Variants in AGAP1 observed in about 807,000 individuals in gnomAD.
The protein encoded by AGAP1 is ArfGAP with GTPase domain, ankyrin repeat and PH domain 1, also known as arf-GAP with GTPase, ANK repeat and PH domain-containing protein 1.
A neutral mutation model predicts 105.3 loss-of-function variants in AGAP1; 29 were observed. The ratio of observed to expected loss-of-function variants is 0.28; its 90% CI spans 0.21 to 0.38. The LOEUF is 0.38. Ranked by LOEUF, AGAP1 falls within the 10% of genes least tolerant of loss-of-function variation. The probability of loss-of-function intolerance (pLI) is 1.00; values close to 1 mark genes in which losing one functional copy is unlikely to be tolerated. For missense variants in AGAP1, 998 were observed against 1,165.1 expected (o/e 0.86, Z 2.09); for synonymous variants, 509 against 485.9 (o/e 1.05, Z -0.63).
At chr2:235,820,672 A>T (rs1193254412) in intron 9 of AGAP1, among the ~76,000 whole-genome samples, 2 of 152,342 alleles carry the variant, frequency 1.3e-5, no homozygotes, top group South Asian at 4.1e-4. Flanking sequence ...TAGTGTACAT[A>T]AAAATTAATT....
At chr2:235,589,920 G>A (rs1406111485) in intron 1 of AGAP1, among the ~76,000 whole-genome samples, 7 of 151,298 alleles carry the variant, frequency 4.6e-5, no homozygotes, top group South Asian at 2.1e-4. Flanking sequence ...TCGTTCTGTC[G>A]CCCAGGCTGG....
rs185884367 is a variant in AGAP1, at chr2:235,523,387, G to A, written c.163+28538G>A. On this transcript the variant is annotated intron_variant, in intron 1 of 17. Coordinates refer to ENST00000304032, the MANE Select transcript of AGAP1 (RefSeq NM_001037131.3). ...GGGGAGAAAATGTTTCCTTCCCTGT[G>A]GGGATCTAGGCTTTGCTCACCTGTG... Among the ~76,000 whole-genome samples the A allele has an allele frequency of 1.5e-4, 23 of 152,302 alleles. No individual in the cohort carries two copies. In the East Asian group the frequency reaches 2.9e-3, roughly 19 times the overall value.
In AGAP1 at chr2:235,901,501, A is replaced by T. The variant is rs1379173489; in HGVS notation, c.1156-7237A>T. Among the ~76,000 whole-genome samples, 2 of 152,228 alleles carry T rather than the reference A, an allele frequency of 1.3e-5. No individual in the cohort carries two copies. Among genetic ancestry groups the T allele is most frequent in the African/African-American group, 4.8e-5 (2 of 41,460 alleles). ...CCTCCCCGGTTGTGTACATAAAAGC[A>T]TACACATGGAGCCAATGGCTGCTTT... On this transcript the variant is annotated intron_variant, in intron 10 of 17. Coordinates refer to ENST00000304032, the MANE Select transcript of AGAP1 (RefSeq NM_001037131.3). This position sits in a 1 kb window ranked among gnomAD's most constrained non-coding sequence, Gnocchi z 4.3.
In AGAP1 at chr2:235,905,601, G is replaced by C. The variant is rs545528467; in HGVS notation, c.1156-3137G>C. On this transcript the variant is annotated intron_variant, in intron 10 of 17. Transcript: ENST00000304032. This position sits in a 1 kb window ranked among gnomAD's most constrained non-coding sequence, Gnocchi z 4.2. Reference sequence around the variant, plus strand: ...TGCAATCTCTGTCTCCCAGGTTCAAGCGATTCTCCTGCCTTAGCCTCCCAA... The same window carrying C: ...TGCAATCTCTGTCTCCCAGGTTCAACCGATTCTCCTGCCTTAGCCTCCCAA... Among the ~76,000 whole-genome samples, 1 of 152,264 alleles carries C rather than the reference G, an allele frequency of 6.6e-6. No homozygotes were observed. The highest frequency in any genetic ancestry group is 1.9e-4 in the East Asian group (1 of 5,160).
rs556249095 is a variant in AGAP1, at chr2:235,641,455, T to G, written c.164-67724T>G. ...CCCGATTTTTTTTTTTCTTTTTTGG[T>G]AGGATGCCTCCCTTTGCATTCCAAG... On this transcript the variant is annotated intron_variant, in intron 1 of 17. Coordinates refer to ENST00000304032, the MANE Select transcript of AGAP1 (RefSeq NM_001037131.3). 1.5e-4 allele frequency among the ~76,000 whole-genome samples: 23 copies of G among 151,684 alleles called. No homozygotes were observed. In the East Asian group the frequency reaches 3.1e-3, roughly 20 times the overall value.
At chr2:235,804,525 A>C (rs1364498340) in intron 8 of AGAP1, among the ~76,000 whole-genome samples, 1 of 152,142 alleles carries the variant, frequency 6.6e-6, no homozygotes, top group Non-Finnish European at 1.5e-5. Context: ...TGACTTAGCC[A>C]CTGGTTGAAA....
intron 9 of AGAP1, among the ~76,000 whole-genome samples, chr2:235,834,765 C>T (rs550932079): frequency 8.0e-4 from 122 of 152,054 alleles, no homozygotes; most frequent in Non-Finnish European, 1.3e-3. Context: ...GACAGGCATC[C>T]GGAGAAAGGT....
intron 6 of AGAP1, among the ~76,000 whole-genome samples, chr2:235,761,796 AT>A (rs11347504): frequency 0.28 from 42,473 of 151,558 alleles, 6,261 homozygotes; most frequent in Admixed American, 0.41. Flanking sequence ...GTTTTTTATA[AT>A]TTTTTTTTCC....
chr2:236,092,969 T>C lies in AGAP1; in HGVS notation c.2115-27223T>C, dbSNP rs1451803888. Among the ~76,000 whole-genome samples, 1 of 152,200 alleles carries C rather than the reference T, an allele frequency of 6.6e-6. No individual in the cohort carries two copies. Among genetic ancestry groups the C allele is most frequent in the East Asian group, 1.9e-4 (1 of 5,188 alleles). ...CTCCCACTGGCCAAATCTGGAACAA[T>C]TGAAGCATCTAAAAGAATAGTGTTG... On this transcript the variant is annotated intron_variant, in intron 16 of 17. Transcript: ENST00000304032. This position sits in a 1 kb window ranked among gnomAD's most constrained non-coding sequence, Gnocchi z 4.7.
chr2:235,934,256 T>C lies in AGAP1; in HGVS notation c.1483+3333T>C, dbSNP rs996433802. Among the ~76,000 whole-genome samples, 10 of 152,242 alleles carry C rather than the reference T, an allele frequency of 6.6e-5. No homozygotes were observed. Among genetic ancestry groups the C allele is most frequent in the African/African-American group, 2.4e-4 (10 of 41,552 alleles). ...TGGGATCACATGGCATGCTGAAGCT[T>C]GGGAACCACTGCTGTAAGTCCTCAC... On this transcript the variant is annotated intron_variant, in intron 12 of 17. Transcript: ENST00000304032. The surrounding 1 kb of genome is among the most constrained non-coding windows in gnomAD (Gnocchi z 4.9).
chr2:236,131,595 G>A lies in AGAP1; in HGVS notation c.*7473G>A, dbSNP rs922518047. Reference sequence around the variant, plus strand: ...TGTACTGTAATTAAAACCATTGACAGACATTTCACTTTGCTTGTTATTTCA... The same window carrying A: ...TGTACTGTAATTAAAACCATTGACAAACATTTCACTTTGCTTGTTATTTCA... On this transcript the variant is annotated 3_prime_UTR_variant, in exon 18 of 18. Coordinates refer to ENST00000304032, the MANE Select transcript of AGAP1 (RefSeq NM_001037131.3). The surrounding 1 kb of genome is among the most constrained non-coding windows in gnomAD (Gnocchi z 5.9). 1 of 152,054 alleles carries A rather than the reference G, an allele frequency of 6.6e-6. No individual in the cohort carries two copies. Among genetic ancestry groups the A allele is most frequent in the Non-Finnish European group, 1.5e-5 (1 of 68,004 alleles). 9.4% of individuals were successfully genotyped at this position (152,054 alleles called of 1,614,324 possible).
chr2:235,781,306 A>G (rs1382798278), intron 6 of AGAP1, among the ~76,000 whole-genome samples: 2 of 152,226 alleles, frequency 1.3e-5, no homozygotes, highest in Admixed American at 1.3e-4. Flanking sequence ...AAATCTGTCC[A>G]GGGGTTCGAC....
intron 6 of AGAP1, among the ~76,000 whole-genome samples, chr2:235,767,702 T>C (rs577979355): frequency 6.6e-6 from 1 of 150,822 alleles, no homozygotes; most frequent in East Asian, 2.0e-4. Flanking sequence ...GGGTTGGCAG[T>C]GGGCTGGGGG....
rs576988420 is a variant in AGAP1 at position 235,588,954 on chromosome 2, G to T, written c.163+94105G>T. Among the ~76,000 whole-genome samples the T allele has an allele frequency of 3.0e-4, 46 of 152,238 alleles. No individual in the cohort carries two copies. In the South Asian group the frequency reaches 9.3e-3, roughly 31 times the overall value. ...TGGCCCCTAGGTTTCTCAGCAGTCTGTATTTCCCACTGTTCGTTGTGCTCG... is the reference window on the plus strand; with the variant it reads ...TGGCCCCTAGGTTTCTCAGCAGTCTTTATTTCCCACTGTTCGTTGTGCTCG... On this transcript the variant is annotated intron_variant, in intron 1 of 17. Coordinates refer to ENST00000304032, the MANE Select transcript of AGAP1 (RefSeq NM_001037131.3).
intron 12 of AGAP1, among the ~76,000 whole-genome samples, chr2:235,945,258 G>A (rs544266844): frequency 2.0e-5 from 3 of 152,098 alleles, no homozygotes; most frequent in East Asian, 3.9e-4. Flanking sequence ...CCGCCACCGC[G>A]CCCGGCTAAT....
intron 1 of AGAP1, among the ~76,000 whole-genome samples, chr2:235,499,330 C>T (rs575626243): frequency 1.3e-5 from 2 of 152,204 alleles, no homozygotes; most frequent in Admixed American, 1.3e-4. Flanking sequence ...GGCAAAACTT[C>T]CAGAAGCATT....
intron 9 of AGAP1, among the ~76,000 whole-genome samples, chr2:235,840,676 A>G (rs887751349): frequency 6.6e-6 from 1 of 152,144 alleles, no homozygotes; most frequent in Admixed American, 6.5e-5. Flanking sequence ...AGGAATGGAA[A>G]GGAGAAGACA....
chr2:235,704,659 G>A (rs1575176055), intron 1 of AGAP1, among the ~76,000 whole-genome samples: 2 of 152,170 alleles, frequency 1.3e-5, no homozygotes, highest in African/African-American at 2.4e-5. Context: ...AAGAAATGCC[G>A]ATTTGAAGGT....
chr2:236,094,393 C>T lies in AGAP1; in HGVS notation c.2115-25799C>T, dbSNP rs199559038. On this transcript the variant is annotated intron_variant, in intron 16 of 17. Coordinates refer to ENST00000304032, the MANE Select transcript of AGAP1 (RefSeq NM_001037131.3). ...TTTTTTTTAGACAGGGTCTCTGTGG[C>T]TCAGGCTGGAGTGCATGGCTCAATC... 6.7e-5 allele frequency among the ~76,000 whole-genome samples: 10 copies of T among 150,018 alleles called. No homozygotes were observed. The East Asian group carries it at 1.9e-3, about 29-fold the overall frequency.
Sources: gnomAD v4.1 joint callset for allele counts (sites outside exome capture counted in the v4.1 genomes callset) on GRCh38, gnomAD v4.1.1 for gene constraint, Gnocchi (gnomAD v3.1) non-coding constraint, MANE v1.5 for transcripts, NCBI Gene and HGNC (gene_info 2026-07-23, HGNC 2026-07-21) for gene names.